NEGR1: variants seen among roughly 807,000 people sequenced by gnomAD.
NEGR1 encodes neuronal growth regulator 1.
A neutral mutation model predicts 40.9 loss-of-function variants in NEGR1; 10 were observed. The observed-to-expected ratio is 0.24, with a 90% CI of 0.15 to 0.42. The LOEUF is 0.42. Ranked by LOEUF, NEGR1 falls within the 10% of genes least tolerant of loss-of-function variation. The pLI is 1.00. For missense variants in NEGR1, 352 were observed against 438.9 expected (o/e 0.80, Z 1.77); for synonymous variants, 185 against 166.8 (o/e 1.11, Z -0.84).
At chr1:71,811,925 G>A (rs1178398965) in intron 2 of NEGR1, among the ~76,000 whole-genome samples, 3 of 139,954 alleles carry the variant, frequency 2.1e-5, no homozygotes, top group African/African-American at 9.3e-5. Context: ...ATAGGATACA[G>A]GTGCATGGCA....
chr1:71,813,929 C>T (rs570908551), intron 2 of NEGR1, among the ~76,000 whole-genome samples: 1 of 152,234 alleles, frequency 6.6e-6, no homozygotes, highest in South Asian at 2.1e-4. Flanking sequence ...TTATTTCTTT[C>T]TCTTGCCTGA....
chr1:72,136,111 T>C (rs1460124531), intron 1 of NEGR1, among the ~76,000 whole-genome samples: 1 of 152,090 alleles, frequency 6.6e-6, no homozygotes, highest in Non-Finnish European at 1.5e-5. Context: ...CTAACATTCA[T>C]TCAATAAACA....
Position 71,673,479 on chromosome 1 carries a change from T to C in NEGR1, c.667+24529A>G, listed in dbSNP as rs371621255. ...GTTCCTGCTTTTATGGAGCTTATGA[T>C]TTAATATAAGAGACAGCTAGGAAAA... On this transcript the variant is annotated intron_variant, in intron 4 of 6. Coordinates refer to ENST00000357731, the MANE Select transcript of NEGR1 (RefSeq NM_173808.3). 4.0e-5 allele frequency among the ~76,000 whole-genome samples: 6 copies of C among 151,628 alleles called. No individual in the cohort carries two copies. The East Asian group carries it at 7.7e-4, about 20-fold the overall frequency.
At chr1:71,458,408 G>C (rs1192608915) in intron 6 of NEGR1, among the ~76,000 whole-genome samples, 2 of 152,216 alleles carry the variant, frequency 1.3e-5, no homozygotes, top group Non-Finnish European at 2.9e-5. Context: ...TTGATAACTA[G>C]CAGAAGGCTG....
chr1:72,269,106 T>C (rs1243086596), intron 1 of NEGR1, among the ~76,000 whole-genome samples: 1 of 151,674 alleles, frequency 6.6e-6, no homozygotes, highest in African/African-American at 2.4e-5. Flanking sequence ...CTATAAACTA[T>C]ATAAACTACT....
chr1:71,506,076 A>T (rs1227998866), intron 6 of NEGR1, among the ~76,000 whole-genome samples: 2 of 152,226 alleles, frequency 1.3e-5, no homozygotes, highest in Admixed American at 6.5e-5. Flanking sequence ...TGCCTAAAAC[A>T]AGGAGAGAAC....
At chr1:72,063,714 A>T (rs558553466) in intron 1 of NEGR1, among the ~76,000 whole-genome samples, 1 of 152,072 alleles carries the variant, frequency 6.6e-6, no homozygotes, top group South Asian at 2.1e-4. Context: ...AGGTCACAAA[A>T]CTATCTCACA....
At chr1:71,683,552 A>G (rs538766585) in intron 4 of NEGR1, among the ~76,000 whole-genome samples, 68 of 152,178 alleles carry the variant, frequency 4.5e-4, no homozygotes, top group African/African-American at 1.6e-3. Flanking sequence ...TATCTAACAT[A>G]TTATACCTCA....
At chr1:71,504,239 G>A (rs1341413344) in intron 6 of NEGR1, among the ~76,000 whole-genome samples, 5 of 151,972 alleles carry the variant, frequency 3.3e-5, no homozygotes, top group Non-Finnish European at 5.9e-5. Flanking sequence ...AAAAAAGATT[G>A]ATGGATAAAA....
chr1:71,738,971 G>T (rs1480825270), intron 3 of NEGR1, among the ~76,000 whole-genome samples: 1 of 151,860 alleles, frequency 6.6e-6, no homozygotes, highest in African/African-American at 2.4e-5. Context: ...ACAAAAAAGA[G>T]CCTCAAAGTG....
At chr1:71,678,022 C>T (rs988749486) in intron 4 of NEGR1, among the ~76,000 whole-genome samples, 1 of 151,674 alleles carries the variant, frequency 6.6e-6, no homozygotes, top group Non-Finnish European at 1.5e-5. Context: ...GCCTCAGATT[C>T]CATTACTTTA....
intron 1 of NEGR1, among the ~76,000 whole-genome samples, chr1:72,192,991 G>T (rs2100432252): frequency 6.6e-6 from 1 of 151,632 alleles, no homozygotes; most frequent in African/African-American, 2.4e-5. Context: ...ATTTAATTTT[G>T]AGCTCTGATT....
At position 71,730,569 on chromosome 1, in the gene NEGR1, TTA is replaced by T. The variant is rs56382019; in HGVS notation, c.536-32432_536-32431del. 1.9e-3 allele frequency among the ~76,000 whole-genome samples: 262 copies of T among 134,678 alleles called. 3 individuals are homozygous for T. Among genetic ancestry groups the T allele is most frequent in the African/African-American group, 4.5e-3 (161 of 36,104 alleles). The allele number at this position is 134,678 out of a possible 152,430, so 88.4% of individuals were successfully genotyped here. ...TTATATGTGTATATATAGTATAAAT[TTA>T]TATATATATATATATATATATAAAT... On this transcript the variant is annotated intron_variant, in intron 3 of 6. Transcript: ENST00000357731.
intron 4 of NEGR1, among the ~76,000 whole-genome samples, chr1:71,614,031 G>A (rs1484352192): frequency 2.6e-5 from 4 of 151,940 alleles, no homozygotes; most frequent in African/African-American, 7.2e-5. Flanking sequence ...ATCATTTTCT[G>A]TTAAGGGAAA....
chr1:71,538,066 C>A (rs2101453107), intron 6 of NEGR1, among the ~76,000 whole-genome samples: 1 of 151,634 alleles, frequency 6.6e-6, no homozygotes, highest in South Asian at 2.1e-4. Context: ...GAGAAGTTCA[C>A]CAAGACAGAC....
chr1:71,512,579 A>T (rs1417396966), intron 6 of NEGR1, among the ~76,000 whole-genome samples: 1 of 151,112 alleles, frequency 6.6e-6, no homozygotes, highest in South Asian at 2.1e-4. Flanking sequence ...CATAAATACT[A>T]ATCGATTTTT....
chr1:71,584,751 T>C (rs1649247663), intron 6 of NEGR1, among the ~76,000 whole-genome samples: 1 of 152,158 alleles, frequency 6.6e-6, no homozygotes, highest in African/African-American at 2.4e-5. Flanking sequence ...AAAGGCTTTG[T>C]AAGAGAAAAG....
At chr1:72,113,835 C>T (rs1649479390) in intron 1 of NEGR1, among the ~76,000 whole-genome samples, 1 of 151,722 alleles carries the variant, frequency 6.6e-6, no homozygotes, top group Admixed American at 6.6e-5. Context: ...TAACACAACA[C>T]TTAGGACTTA....
intron 1 of NEGR1, among the ~76,000 whole-genome samples, chr1:72,107,235 T>C (rs1449666564): frequency 6.6e-6 from 1 of 151,724 alleles, no homozygotes; most frequent in Non-Finnish European, 1.5e-5. Context: ...TGAACCCTTC[T>C]GAAACCATAC....
Sources: gnomAD v4.1 joint callset for allele counts (sites outside exome capture counted in the v4.1 genomes callset) on GRCh38, gnomAD v4.1.1 for gene constraint, MANE v1.5 for transcripts, NCBI Gene and HGNC (gene_info 2026-07-23, HGNC 2026-07-21) for gene names.